Variants in CCDC171 observed in about 807,000 individuals in gnomAD.
CCDC171 encodes coiled-coil domain-containing protein 171.
CCDC171 carries 177 observed loss-of-function variants against 168.2 expected under a neutral mutation model. The ratio of observed to expected loss-of-function variants is 1.05; its 90% CI spans 0.93 to 1.19. The LOEUF (loss-of-function observed/expected upper bound fraction) is 1.19. Ranked by LOEUF, CCDC171 falls within the 50% of genes most tolerant of loss-of-function variation. The pLI is 0.00. For missense variants in CCDC171, 1,991 were observed against 1,539.0 expected (o/e 1.29, Z -4.91); for synonymous variants, 687 against 540.8 (o/e 1.27, Z -3.75).
chr9:15,570,598 A>T (rs1201656146), intron 2 of CCDC171, among the ~76,000 whole-genome samples: 1 of 152,170 alleles, frequency 6.6e-6, no homozygotes, highest in Non-Finnish European at 1.5e-5. Flanking sequence ...TGTTTGTGGC[A>T]TGCTCTGTAG....
chr9:15,777,737 G>T lies in CCDC171; in HGVS notation c.2809G>T (p.Asp937Tyr). 3 of 1,614,002 alleles carry T rather than the reference G, an allele frequency of 1.9e-6. No homozygotes were observed. Among genetic ancestry groups the T allele is most frequent in the Middle Eastern group, 1.7e-4 (1 of 6,060 alleles). Residue 937 changes from aspartate (D) to tyrosine (Y), a missense_variant, in exon 19 of 26, where the codon GAT (aspartate) becomes TAT (tyrosine). Physicochemically the swap from Asp to Tyr is radical, Grantham distance 160. Transcript: ENST00000380701. ...CAGGAGTATTACATATGTAGAAAAA[G>T]ATTCCCTGGTTCAGAGGCTGGCCCA... ...SSRSITYVEK[D>Y]SLVQRLAHGL...
intron 23 of CCDC171, among the ~76,000 whole-genome samples, chr9:15,873,932 G>A (rs918199107): frequency 3.3e-5 from 5 of 152,030 alleles, no homozygotes; most frequent in Admixed American, 2.0e-4. Flanking sequence ...GACTGTGTTG[G>A]TTTATATGTA....
intron 23 of CCDC171, among the ~76,000 whole-genome samples, chr9:15,852,808 T>C (rs1162572234): frequency 6.6e-6 from 1 of 151,568 alleles, no homozygotes. Context: ...ATCCAATTAT[T>C]CCAGCACCAT....
Position 15,591,387 on chromosome 9 carries a change from C to G in CCDC171, c.374C>G (p.Ala125Gly), listed in dbSNP as rs752469015. Residue 125 changes from alanine (A) to glycine (G), a missense_variant, in exon 5 of 26, where the codon GCA (alanine) becomes GGA (glycine). Coordinates refer to ENST00000380701, the MANE Select transcript of CCDC171 (RefSeq NM_173550.4). Reference sequence around the variant, plus strand: ...ATAGCACAGAATTCAGAACTTCAAGCAAAGACAAATGAGACTGAGAAAGCA... The same window carrying G: ...ATAGCACAGAATTCAGAACTTCAAGGAAAGACAAATGAGACTGAGAAAGCA... ...KLCAQNSELQ[A>G]KTNETEKAFQ... 3.1e-6 allele frequency: 5 copies of G among 1,601,172 alleles called. No individual in the cohort carries two copies. The highest frequency in any genetic ancestry group is 4.3e-6 in the Non-Finnish European group (5 of 1,175,100).
chr9:16,006,942 T>C (rs991227309), intron 3 of CCDC171, among the ~76,000 whole-genome samples: 1 of 152,234 alleles, frequency 6.6e-6, no homozygotes, highest in Non-Finnish European at 1.5e-5. Context: ...TTTGGGTATA[T>C]ACCCAGTAAT....
intron 21 of CCDC171, among the ~76,000 whole-genome samples, chr9:15,803,889 A>G (rs567067128): frequency 1.3e-4 from 20 of 151,864 alleles, no homozygotes; most frequent in South Asian, 1.2e-3. Flanking sequence ...GATTTTTCCT[A>G]TCTGTGAGCA....
At chr9:15,993,347 G>A (rs911373276) in intron 3 of CCDC171, among the ~76,000 whole-genome samples, 8 of 152,264 alleles carry the variant, frequency 5.3e-5, no homozygotes, top group South Asian at 4.1e-4. Context: ...AATGGGGAAA[G>A]GATTCCCTAT....
At chr9:15,829,521 T>C (rs1471401522) in intron 21 of CCDC171, among the ~76,000 whole-genome samples, 1 of 152,178 alleles carries the variant, frequency 6.6e-6, no homozygotes, top group Non-Finnish European at 1.5e-5. Context: ...GTCTAAAGCA[T>C]CTAAAATTTA....
intron 7 of CCDC171, among the ~76,000 whole-genome samples, chr9:15,637,132 T>A (rs964835408): frequency 5.9e-5 from 9 of 152,246 alleles, no homozygotes; most frequent in African/African-American, 2.2e-4. Context: ...GGCGCTCGCC[T>A]GTAATCCTAG....
intron 24 of CCDC171, among the ~76,000 whole-genome samples, chr9:15,910,300 G>GT (rs979195290): frequency 6.6e-6 from 1 of 152,022 alleles, no homozygotes; most frequent in East Asian, 1.9e-4. Flanking sequence ...GAATGCATCT[G>GT]TTTTTTTGTT....
chr9:15,668,593 T>G (rs2048893398), intron 9 of CCDC171, among the ~76,000 whole-genome samples: 2 of 152,118 alleles, frequency 1.3e-5, no homozygotes, highest in South Asian at 4.1e-4. Context: ...AAGTAATAAC[T>G]AAACCCAATA....
chr9:15,672,039 A>T (rs2049154761), intron 9 of CCDC171, among the ~76,000 whole-genome samples: 1 of 152,188 alleles, frequency 6.6e-6, no homozygotes, highest in Admixed American at 6.5e-5. Context: ...AATGATCGCC[A>T]TTCTAACTGG....
intron 7 of CCDC171, among the ~76,000 whole-genome samples, chr9:15,639,080 A>C (rs1472562701): frequency 6.6e-6 from 1 of 152,056 alleles, no homozygotes; most frequent in African/African-American, 2.4e-5. Context: ...GGTAAAAGGT[A>C]GCATCTTTCT....
intron 4 of CCDC171, 58 bp downstream of exon 4, chr9:15,579,081 C>A: frequency 7.2e-7 from 1 of 1,383,924 alleles, no homozygotes; most frequent in Non-Finnish European, 1.0e-6. Context: ...GTATATCACT[C>A]CTCGCTGTTG....
intron 24 of CCDC171, among the ~76,000 whole-genome samples, chr9:15,914,393 A>T (rs1274693864): frequency 6.6e-6 from 1 of 152,132 alleles, no homozygotes; most frequent in South Asian, 2.1e-4. Context: ...GGCTTTGCTG[A>T]ACTGCAGTGG....
rs1350747749 is a variant in CCDC171, at chr9:15,897,142, T to TCC, written c.3600+22479_3600+22480insCC. 2.6e-5 allele frequency among the ~76,000 whole-genome samples: 4 copies of TCC among 152,192 alleles called. No individual in the cohort carries two copies. In the East Asian group the frequency reaches 7.7e-4, roughly 29 times the overall value. ...TGAGCTAATCCTATGTGGGCAGGAT[T>TCC]TGGGATATCACTGTCTTGGTATTTT... is the stretch of plus-strand genomic sequence containing the variant. On this transcript the variant is annotated intron_variant, in intron 24 of 25. Coordinates refer to ENST00000380701, the MANE Select transcript of CCDC171 (RefSeq NM_173550.4).
chr9:15,868,310 G>T (rs2061876688), intron 23 of CCDC171, among the ~76,000 whole-genome samples: 1 of 152,050 alleles, frequency 6.6e-6, no homozygotes, highest in African/African-American at 2.4e-5. Context: ...TGCTTCTGCT[G>T]AGAGAGTGTC....
intron 18 of CCDC171, among the ~76,000 whole-genome samples, chr9:15,753,129 C>G (rs923719017): frequency 6.6e-6 from 1 of 152,032 alleles, no homozygotes; most frequent in East Asian, 1.9e-4. Context: ...CGACTTCAAG[C>G]AGAATGTAAT....
intron 25 of CCDC171, among the ~76,000 whole-genome samples, chr9:15,959,831 C>G (rs559941630): frequency 6.6e-6 from 1 of 152,170 alleles, no homozygotes; most frequent in African/African-American, 2.4e-5. Flanking sequence ...AAAGGGCCTA[C>G]AGGTAGAAAC....
Sources: allele counts gnomAD v4.1 joint callset (sites outside exome capture counted in the v4.1 genomes callset), GRCh38; gene constraint gnomAD v4.1.1; transcripts MANE v1.5; gene names NCBI Gene and HGNC (gene_info 2026-07-23, HGNC 2026-07-21).